Variants in RELCH observed in about 807,000 individuals in gnomAD.
RELCH encodes RAB11 binding and LisH domain, coiled-coil and HEAT repeat containing.
RELCH carries 41 observed loss-of-function variants against 150.3 expected under a neutral mutation model. That is an observed-to-expected ratio of 0.27 (90% confidence interval 0.21 to 0.35). RELCH has a LOEUF of 0.35. Among genes scored for constraint, RELCH ranks in the 10% least tolerant of loss-of-function variants. The pLI is 1.00. For synonymous variants in RELCH, 478 were observed against 531.8 expected (o/e 0.90, Z 1.39); for missense variants, 1,092 against 1,467.8 (o/e 0.74, Z 4.18).
intron 19 of RELCH, among the ~76,000 whole-genome samples, chr18:62,268,051 T>G (rs1247010068): frequency 6.6e-6 from 1 of 152,038 alleles, no homozygotes; most frequent in African/African-American, 2.4e-5. Context: ...TAAATAAATC[T>G]TTTCAACTCA....
intron 2 of RELCH, among the ~76,000 whole-genome samples, chr18:62,213,285 A>G (rs988660941): frequency 6.6e-6 from 1 of 152,016 alleles, no homozygotes; most frequent in African/African-American, 2.4e-5. Context: ...AGTTATCCAT[A>G]TAATTATGTT....
rs747409332 is a variant in RELCH, at chr18:62,275,512, GA to G, written c.2967+40del. On this transcript the variant is annotated intron_variant, in intron 22 of 28. Coordinates refer to ENST00000644646, the MANE Select transcript of RELCH (RefSeq NM_001346231.2). ...TGCCTCTGTTGGTTTCAATTATAAT[GA>G]TTTTTTTTTTTTTGCGAAGAAGAAG... 13 of 1,287,710 alleles carry G rather than the reference GA, an allele frequency of 1.0e-5. No homozygotes were observed. In the Middle Eastern group the frequency reaches 5.6e-4, roughly 56 times the overall value. The allele number at this position is 1,287,710 out of a possible 1,614,324, so 79.8% of individuals were successfully genotyped here.
intron 27 of RELCH, among the ~76,000 whole-genome samples, chr18:62,295,466 A>G (rs2045364942): frequency 6.8e-6 from 1 of 147,546 alleles, no homozygotes; most frequent in Non-Finnish European, 1.5e-5. Flanking sequence ...TTTCATCTGT[A>G]TTTCCTTTTA....
chr18:62,293,575 C>T (rs759894586), intron 27 of RELCH, among the ~76,000 whole-genome samples: 18 of 152,028 alleles, frequency 1.2e-4, no homozygotes, highest in Admixed American at 3.3e-4. Flanking sequence ...CACAGCAATG[C>T]CTGGGTCACT....
intron 8 of RELCH, among the ~76,000 whole-genome samples, chr18:62,229,891 A>G (rs1201717076): frequency 6.6e-6 from 1 of 152,074 alleles, no homozygotes; most frequent in Non-Finnish European, 1.5e-5. Flanking sequence ...TTGGAGAAGT[A>G]AGCAAAGTCT....
intron 27 of RELCH, among the ~76,000 whole-genome samples, chr18:62,296,056 T>G (rs2045393507): frequency 6.6e-6 from 1 of 152,212 alleles, no homozygotes; most frequent in Admixed American, 6.5e-5. Context: ...ATTTCTATCT[T>G]AACTACAGTC....
rs577099063 is a variant in RELCH, at chr18:62,305,233, A to G, written c.3531-181A>G. On this transcript the variant is annotated intron_variant, in intron 28 of 28. Coordinates refer to ENST00000644646, the MANE Select transcript of RELCH (RefSeq NM_001346231.2). This position sits in a 1 kb window ranked among gnomAD's most constrained non-coding sequence, Gnocchi z 4.0. ...CACTACACATACTGCTTCCTTTACTATAGATAATGAACATGAAAGCTCCTA... is the reference window on the plus strand; with the variant it reads ...CACTACACATACTGCTTCCTTTACTGTAGATAATGAACATGAAAGCTCCTA... Among the ~76,000 whole-genome samples the G allele has an allele frequency of 4.6e-5, 7 of 152,304 alleles. No homozygotes were observed. The East Asian group carries it at 1.4e-3, about 29-fold the overall frequency.
At chr18:62,223,637 C>T (rs1008391182) in intron 5 of RELCH, among the ~76,000 whole-genome samples, 1 of 152,032 alleles carries the variant, frequency 6.6e-6, no homozygotes, top group Non-Finnish European at 1.5e-5. Context: ...AATAAAATTA[C>T]AGGCTCATTT....
At chr18:62,298,645 G>T (rs1247025670) in intron 27 of RELCH, 145 bp from the exon 28 acceptor site, 1 of 542,916 alleles carries the variant, frequency 1.8e-6, no homozygotes, top group Non-Finnish European at 3.3e-6. Flanking sequence ...AATCTAATAT[G>T]AATTCCTTTA....
Position 62,286,984 on chromosome 18 carries a change from T to C in RELCH, c.3254-367T>C, listed in dbSNP as rs564912248. On this transcript the variant is annotated intron_variant, in intron 25 of 28. Transcript: ENST00000644646. Reference sequence around the variant, plus strand: ...TAGCAATGGTAATATTTTATTTTTATGGAGAAACTTAACTGCAAGTATAAA... The same window carrying C: ...TAGCAATGGTAATATTTTATTTTTACGGAGAAACTTAACTGCAAGTATAAA... 1.1e-4 allele frequency among the ~76,000 whole-genome samples: 16 copies of C among 152,320 alleles called. No homozygotes were observed. In the South Asian group the frequency reaches 3.3e-3, roughly 32 times the overall value.
chr18:62,245,169 C>CT (rs1344672582), intron 11 of RELCH, among the ~76,000 whole-genome samples: 6 of 152,136 alleles, frequency 3.9e-5, no homozygotes, highest in Admixed American at 1.3e-4. Flanking sequence ...GGAAATCACT[C>CT]TAAGAAATTT....
intron 1 of RELCH, among the ~76,000 whole-genome samples, chr18:62,209,974 A>C (rs2040056127): frequency 6.6e-6 from 1 of 152,178 alleles, no homozygotes; most frequent in Non-Finnish European, 1.5e-5. Context: ...CAACTTTGAA[A>C]AACTCATTTG....
At chr18:62,198,573 C>G (rs2039205261) in intron 1 of RELCH, among the ~76,000 whole-genome samples, 1 of 152,194 alleles carries the variant, frequency 6.6e-6, no homozygotes, top group South Asian at 2.1e-4. Context: ...AACCACCTAT[C>G]AGTGTGTGCT....
At chr18:62,197,105 T>G (rs1347424523) in intron 1 of RELCH, among the ~76,000 whole-genome samples, 1 of 152,208 alleles carries the variant, frequency 6.6e-6, no homozygotes, top group Non-Finnish European at 1.5e-5. Flanking sequence ...TAATAGCTCT[T>G]GTATTTTTTC....
chr18:62,277,036 TA>T (rs2044249360), intron 22 of RELCH, among the ~76,000 whole-genome samples: 1 of 152,168 alleles, frequency 6.6e-6, no homozygotes, highest in Middle Eastern at 3.2e-3. Context: ...GATTTTATTC[TA>T]AGCTCATAAA....
chr18:62,231,190 C>T lies in RELCH; in HGVS notation c.1449-4C>T. On this transcript the variant is annotated splice_polypyrimidine_tract_variant and splice_region_variant and intron_variant, in intron 8 of 28. Coordinates refer to ENST00000644646, the MANE Select transcript of RELCH (RefSeq NM_001346231.2). ...TTGTCTCTTTTTCATACATTTTCTTCTAGGAAATTGTCTCCTGCATTCCAT... is the reference window on the plus strand; with the variant it reads ...TTGTCTCTTTTTCATACATTTTCTTTTAGGAAATTGTCTCCTGCATTCCAT... 1.7e-5 allele frequency: 26 copies of T among 1,565,906 alleles called. No homozygotes were observed. Among genetic ancestry groups the T allele is most frequent in the Non-Finnish European group, 2.3e-5 (26 of 1,141,972 alleles).
chr18:62,202,382 G>C (rs1405332087), intron 1 of RELCH, among the ~76,000 whole-genome samples: 1 of 152,110 alleles, frequency 6.6e-6, no homozygotes, highest in Non-Finnish European at 1.5e-5. Context: ...TACATATAGG[G>C]TAGTCCAGTC....
intron 17 of RELCH, 68 bp downstream of exon 17, chr18:62,264,213 C>A: frequency 1.6e-6 from 2 of 1,274,442 alleles, no homozygotes; most frequent in South Asian, 1.4e-5. Flanking sequence ...GCCCTAAGAA[C>A]AAAATATAAC....
In RELCH at chr18:62,288,143, G is replaced by A. The variant is rs912624097; in HGVS notation, c.3370+676G>A. Among the ~76,000 whole-genome samples, 3 of 152,108 alleles carry A rather than the reference G, an allele frequency of 2.0e-5. No individual in the cohort carries two copies. In the South Asian group the frequency reaches 6.2e-4, roughly 32 times the overall value. On this transcript the variant is annotated intron_variant, in intron 26 of 28. Transcript: ENST00000644646. ...ATGCCTATAAAATAAAACTAAGAAG[G>A]AAGTAAAGATAACGATGGGCAAAGT...
Sources: allele counts gnomAD v4.1 joint callset (sites outside exome capture counted in the v4.1 genomes callset), GRCh38; gene constraint gnomAD v4.1.1; non-coding constraint Gnocchi (gnomAD v3.1); transcripts MANE v1.5; gene names NCBI Gene and HGNC (gene_info 2026-07-23, HGNC 2026-07-21).